QTMAN: variants seen among roughly 807,000 people sequenced by gnomAD.
The protein encoded by QTMAN is tRNA-queuosine alpha-mannosyltransferase.
the QTMAN span, among the ~76,000 whole-genome samples, chr2:144,092,515 T>C: frequency 2.0e-4 from 31 of 152,344 alleles, no homozygotes; most frequent in African/African-American, 6.7e-4. Flanking sequence ...TCTACCAATT[T>C]ACCTCAATAA....
At chr2:143,985,777 A>C in the QTMAN span, among the ~76,000 whole-genome samples, 7 of 152,214 alleles carry the variant, frequency 4.6e-5, no homozygotes, top group Non-Finnish European at 8.8e-5. Flanking sequence ...GAACTAAGAA[A>C]TTAATTGTTC....
the QTMAN span, among the ~76,000 whole-genome samples, chr2:144,239,356 ATTTG>A: frequency 8.8e-3 from 1,338 of 152,304 alleles, 14 homozygotes; most frequent in African/African-American, 0.03. Context: ...GTTCATTATT[ATTTG>A]TTTAACACTT....
At chr2:144,216,847 C>T in the QTMAN span, among the ~76,000 whole-genome samples, 1 of 152,002 alleles carries the variant, frequency 6.6e-6, no homozygotes, top group Non-Finnish European at 1.5e-5. Context: ...TCTGTTTGAT[C>T]TATTATCATC....
At chr2:143,968,169 T>C in the QTMAN span, among the ~76,000 whole-genome samples, 1 of 152,128 alleles carries the variant, frequency 6.6e-6, no homozygotes, top group Non-Finnish European at 1.5e-5. Context: ...GAAGACTCAA[T>C]TCACATTTGA....
chr2:143,952,834 A>T, the QTMAN span: 1 of 1,604,640 alleles, frequency 6.2e-7, no homozygotes, highest in East Asian at 2.2e-5. Flanking sequence ...CACAGTACAC[A>T]GCTTCCAACC....
At chr2:144,012,777 AAATT>A in the QTMAN span, among the ~76,000 whole-genome samples, 231 of 152,316 alleles carry the variant, frequency 1.5e-3, no homozygotes, top group African/African-American at 4.0e-3. Flanking sequence ...TAGCAGGTGA[AAATT>A]AATTAATTAG....
the QTMAN span, among the ~76,000 whole-genome samples, chr2:144,003,420 T>TA: frequency 0.019 from 2,644 of 142,642 alleles, 20 homozygotes; most frequent in South Asian, 0.023. Flanking sequence ...AGAAAATAGT[T>TA]AAAAAAAAAA....
chr2:143,947,204 C>T, the QTMAN span: 1 of 1,159,776 alleles, frequency 8.6e-7, no homozygotes, highest in Non-Finnish European at 1.3e-6. Flanking sequence ...TGAAAGTATG[C>T]TGAAAATTTA....
At chr2:144,123,013 AAGAC>A in the QTMAN span, among the ~76,000 whole-genome samples, 2 of 152,162 alleles carry the variant, frequency 1.3e-5, no homozygotes, top group African/African-American at 4.8e-5. Context: ...CTATAAAAGA[AAGAC>A]AAATATGACC....
At chr2:144,040,739 G>A in the QTMAN span, among the ~76,000 whole-genome samples, 18 of 152,106 alleles carry the variant, frequency 1.2e-4, no homozygotes, top group African/African-American at 3.4e-4. Context: ...ACTAAAAAGG[G>A]AGACTTCAAA....
At chr2:143,965,955 T>C in the QTMAN span, among the ~76,000 whole-genome samples, 2 of 152,190 alleles carry the variant, frequency 1.3e-5, no homozygotes, top group Non-Finnish European at 2.9e-5. Flanking sequence ...GGCAATGAAA[T>C]AGTTGTCCCT....
chr2:144,011,815 C>T, the QTMAN span: 1 of 851,290 alleles, frequency 1.2e-6, no homozygotes, highest in Non-Finnish European at 1.4e-6. Flanking sequence ...GGTGGAGGTG[C>T]TAATGAGAAG....
At chr2:144,122,948 G>A in the QTMAN span, among the ~76,000 whole-genome samples, 459 of 152,146 alleles carry the variant, frequency 3.0e-3, 2 homozygotes, top group African/African-American at 0.01. Context: ...GTGCACACAC[G>A]TGCAGACACA....
the QTMAN span, among the ~76,000 whole-genome samples, chr2:144,274,342 CTG>C: frequency 2.0e-5 from 3 of 152,098 alleles, no homozygotes; most frequent in African/African-American, 4.8e-5. Flanking sequence ...TTGGAATTTC[CTG>C]TGTGATAGGA....
chr2:144,137,838 T>C, the QTMAN span, among the ~76,000 whole-genome samples: 8 of 152,110 alleles, frequency 5.3e-5, no homozygotes, highest in African/African-American at 1.7e-4. Flanking sequence ...TGTGACTTAA[T>C]AGAATGCAGG....
the QTMAN span, among the ~76,000 whole-genome samples, chr2:144,066,614 G>A: frequency 4.6e-5 from 7 of 152,140 alleles, no homozygotes; most frequent in Admixed American, 1.3e-4. Flanking sequence ...TCAGGAGTTC[G>A]AGACCAGCCT....
At chr2:144,269,280 T>C in the QTMAN span, among the ~76,000 whole-genome samples, 1 of 152,098 alleles carries the variant, frequency 6.6e-6, no homozygotes, top group Non-Finnish European at 1.5e-5. Flanking sequence ...CTAAAAACCA[T>C]AATGGGAGAA....
the QTMAN span, among the ~76,000 whole-genome samples, chr2:143,987,248 C>G: frequency 6.6e-6 from 1 of 152,168 alleles, no homozygotes; most frequent in Non-Finnish European, 1.5e-5. Context: ...CCCCAAACAC[C>G]AGGGATCATG....
At chr2:144,316,855 C>T in the QTMAN span, among the ~76,000 whole-genome samples, 8 of 152,182 alleles carry the variant, frequency 5.3e-5, no homozygotes, top group Non-Finnish European at 8.8e-5. Context: ...GGTCTCTGCA[C>T]AAAATGAGCC....
Sources: gnomAD v4.1 joint callset for allele counts (sites outside exome capture counted in the v4.1 genomes callset) on GRCh38, gnomAD v4.1.1 for gene constraint, MANE v1.5 for transcripts, NCBI Gene and HGNC (gene_info 2026-07-23, HGNC 2026-07-21) for gene names.